The following GRM3 variants were observed in gnomAD, a reference collection of about 807,000 sequenced individuals.
The protein encoded by GRM3 is glutamate metabotropic receptor 3.
Under a neutral mutation model 70.5 loss-of-function variants are expected in GRM3, and 26 were observed. The ratio of observed to expected loss-of-function variants is 0.37; its 90% confidence interval spans 0.27 to 0.51. The LOEUF (loss-of-function observed/expected upper bound fraction) is 0.51. GRM3 is among the 20% of genes least tolerant of loss of function. GRM3 has a pLI of 0.93. For missense variants in GRM3, 859 were observed against 1,123.8 expected (o/e 0.76, Z 3.37); for synonymous variants, 443 against 434.9 (o/e 1.02, Z -0.23).
intron 2 of GRM3, among the ~76,000 whole-genome samples, chr7:86,772,142 A>T (rs1281671094): frequency 6.6e-6 from 1 of 152,126 alleles, no homozygotes; most frequent in African/African-American, 2.4e-5. Flanking sequence ...TCTTTATATT[A>T]TATTACTGAT....
At chr7:86,767,942 T>C (rs1796647638) in intron 2 of GRM3, among the ~76,000 whole-genome samples, 1 of 152,114 alleles carries the variant, frequency 6.6e-6, no homozygotes, top group Non-Finnish European at 1.5e-5. Flanking sequence ...TTCTTACTCA[T>C]TGAAAGACCT....
intron 1 of GRM3, among the ~76,000 whole-genome samples, chr7:86,737,233 G>T (rs1202977677): frequency 6.6e-6 from 1 of 152,204 alleles, no homozygotes; most frequent in Non-Finnish European, 1.5e-5. Context: ...TGTTTAATAA[G>T]TGCTTTCTAA....
chr7:86,695,752 A>G (rs1794800484), intron 1 of GRM3, among the ~76,000 whole-genome samples: 1 of 152,192 alleles, frequency 6.6e-6, no homozygotes, highest in African/African-American at 2.4e-5. Flanking sequence ...ATAATTTTCT[A>G]ACACTTACTA....
intron 1 of GRM3, among the ~76,000 whole-genome samples, chr7:86,735,665 T>C (rs1268820711): frequency 6.6e-6 from 1 of 152,206 alleles, no homozygotes; most frequent in East Asian, 1.9e-4. Context: ...AAGGAGCTAC[T>C]AGTTCATACA....
chr7:86,848,003 C>T (rs188565564), intron 4 of GRM3, among the ~76,000 whole-genome samples: 35 of 152,266 alleles, frequency 2.3e-4, no homozygotes, highest in Admixed American at 2.0e-3. Context: ...CATCCCCCAC[C>T]TTGGGATGGA....
chr7:86,843,536 T>A (rs1206007024), intron 4 of GRM3, among the ~76,000 whole-genome samples: 1 of 152,220 alleles, frequency 6.6e-6, no homozygotes, highest in Non-Finnish European at 1.5e-5. Flanking sequence ...CTCAGATAGT[T>A]TAAGAATCAA....
At chr7:86,744,119 A>G (rs1387316878) in intron 1 of GRM3, among the ~76,000 whole-genome samples, 3 of 152,048 alleles carry the variant, frequency 2.0e-5, no homozygotes, top group African/African-American at 7.2e-5. Flanking sequence ...CACTATACGA[A>G]GCATCCCACA....
intron 1 of GRM3, among the ~76,000 whole-genome samples, chr7:86,699,984 A>T (rs910229865): frequency 1.3e-4 from 20 of 151,952 alleles, no homozygotes; most frequent in Admixed American, 5.3e-4. Flanking sequence ...TTAAGAGGTA[A>T]CCCACACTAG....
intron 1 of GRM3, among the ~76,000 whole-genome samples, chr7:86,673,151 G>A (rs960356805): frequency 6.6e-6 from 1 of 151,956 alleles, no homozygotes; most frequent in African/African-American, 2.4e-5. Context: ...TACATCAAAG[G>A]CATGACTGAG....
chr7:86,863,599 G>T (rs560861695), intron 5 of GRM3, among the ~76,000 whole-genome samples: 1 of 152,214 alleles, frequency 6.6e-6, no homozygotes, highest in African/African-American at 2.4e-5. Flanking sequence ...TTTTTACTGA[G>T]GTTATCCACT....
At chr7:86,729,285 T>G (rs1562840984) in intron 1 of GRM3, among the ~76,000 whole-genome samples, 1 of 152,198 alleles carries the variant, frequency 6.6e-6, no homozygotes, top group Non-Finnish European at 1.5e-5. Flanking sequence ...ATGATAGTGT[T>G]TACTGCTTGA....
chr7:86,822,870 T>A (rs1253528333), intron 3 of GRM3, among the ~76,000 whole-genome samples: 1 of 152,232 alleles, frequency 6.6e-6, no homozygotes, highest in Non-Finnish European at 1.5e-5. Flanking sequence ...CTAACCCCTA[T>A]TCAGTAACGA....
Position 86,787,264 on chromosome 7 carries a change from G to A in GRM3, c.1324+148G>A, listed in dbSNP as rs1797276619. The A allele has an allele frequency of 4.4e-6, 3 of 681,250 alleles. No individual in the cohort carries two copies. In the South Asian group the frequency reaches 5.6e-5, roughly 13 times the overall value. 42.2% of individuals were successfully genotyped at this position (681,250 alleles called of 1,614,324 possible). A position where few individuals can be genotyped will look rare whatever the true frequency, so the allele number is the denominator to read the frequency against. On this transcript the variant is annotated intron_variant, in intron 3 of 5. Coordinates refer to ENST00000361669, the MANE Select transcript of GRM3 (RefSeq NM_000840.3). The stretch of plus-strand genomic sequence containing the variant: ...TAACCAAATATTCCAGGATGCAATA[G>A]GATGGTTCTCTAACATTCTTACTCA...
At chr7:86,851,132 TGTTAAAA>T (rs1798747692) in intron 5 of GRM3, among the ~76,000 whole-genome samples, 1 of 152,188 alleles carries the variant, frequency 6.6e-6, no homozygotes, top group Admixed American at 6.6e-5. Context: ...TGTTTAACTT[TGTTAAAA>T]GTTAAAATAC....
chr7:86,733,300 C>T (rs909165284), intron 1 of GRM3, among the ~76,000 whole-genome samples: 11 of 141,288 alleles, frequency 7.8e-5, no homozygotes, highest in Non-Finnish European at 1.2e-4. Context: ...GGCAACAGAG[C>T]GACACGCCGT....
intron 1 of GRM3, among the ~76,000 whole-genome samples, chr7:86,759,025 C>T (rs571577757): frequency 5.6e-4 from 85 of 152,208 alleles, no homozygotes; most frequent in Middle Eastern, 3.4e-3. Context: ...AAATTTCACA[C>T]ACATTGTGGG....
intron 4 of GRM3, among the ~76,000 whole-genome samples, chr7:86,841,751 T>C (rs537943336): frequency 1.2e-3 from 177 of 152,292 alleles, no homozygotes; most frequent in African/African-American, 4.0e-3. Flanking sequence ...TTTTATTGAG[T>C]GAATTAGCAT....
intron 1 of GRM3, among the ~76,000 whole-genome samples, chr7:86,658,959 G>A (rs781237497): frequency 6.6e-6 from 1 of 151,676 alleles, no homozygotes; most frequent in Non-Finnish European, 1.5e-5. Flanking sequence ...CAACCTGTCC[G>A]CATTTTGAAA....
intron 1 of GRM3, among the ~76,000 whole-genome samples, chr7:86,659,170 A>C (rs770641206): frequency 6.6e-6 from 1 of 152,198 alleles, no homozygotes; most frequent in Non-Finnish European, 1.5e-5. Flanking sequence ...AATTCCTACT[A>C]GTGCCAATAA....
Sources: allele counts gnomAD v4.1 joint callset (sites outside exome capture counted in the v4.1 genomes callset), GRCh38; gene constraint gnomAD v4.1.1; transcripts MANE v1.5; gene names NCBI Gene and HGNC (gene_info 2026-07-23, HGNC 2026-07-21).